Variants in FAM135B observed in about 807,000 individuals in gnomAD.
FAM135B encodes the protein protein FAM135B.
In FAM135B, 43 loss-of-function variants were observed where a neutral mutation model predicts 127.7. The ratio of observed to expected loss-of-function variants is 0.34; its 90% CI spans 0.26 to 0.43. FAM135B has a LOEUF of 0.43. FAM135B is among the 20% of genes least tolerant of loss of function. The probability of loss-of-function intolerance (pLI) is 1.00; values close to 1 mark genes in which losing one functional copy is unlikely to be tolerated. For missense variants in FAM135B, 1,558 were observed against 1,725.6 expected (o/e 0.90, Z 1.72); for synonymous variants, 670 against 665.1 (o/e 1.01, Z -0.11).
At chr8:138,491,901 C>G (rs979037443) in intron 1 of FAM135B, among the ~76,000 whole-genome samples, 5 of 152,058 alleles carry the variant, frequency 3.3e-5, no homozygotes, top group African/African-American at 1.2e-4. Context: ...GAAGATCAGC[C>G]AGGAGGCCAG....
chr8:138,257,989 G>T (rs150161975), intron 4 of FAM135B, among the ~76,000 whole-genome samples: 1 of 152,126 alleles, frequency 6.6e-6, no homozygotes, highest in Non-Finnish European at 1.5e-5. Flanking sequence ...TCAGGTAATT[G>T]CTGTCCCGTC....
chr8:138,177,319 A>G (rs199835259), intron 11 of FAM135B, 28 bp downstream of exon 11: 2 of 1,606,064 alleles, frequency 1.2e-6, no homozygotes, highest in African/African-American at 1.3e-5. Context: ...GCTTTTAGGG[A>G]TGAAGTGGGC....
intron 1 of FAM135B, among the ~76,000 whole-genome samples, chr8:138,444,115 T>A (rs573511204): frequency 1.2e-4 from 19 of 152,268 alleles, no homozygotes; most frequent in Admixed American, 1.2e-3. Context: ...CTTAAATACA[T>A]ATGCACCCAA....
intron 1 of FAM135B, among the ~76,000 whole-genome samples, chr8:138,370,749 C>T (rs1232549021): frequency 6.6e-6 from 1 of 152,134 alleles, no homozygotes. Flanking sequence ...CATGCTCTGC[C>T]CCATGTAAAA....
At chr8:138,425,870 C>T (rs1834811255) in intron 1 of FAM135B, among the ~76,000 whole-genome samples, 1 of 150,866 alleles carries the variant, frequency 6.6e-6, no homozygotes, top group Non-Finnish European at 1.5e-5. Flanking sequence ...ACTATGGGGT[C>T]TGTCGTGGAG....
At chr8:138,342,451 A>G (rs1261788209) in intron 2 of FAM135B, among the ~76,000 whole-genome samples, 1 of 152,246 alleles carries the variant, frequency 6.6e-6, no homozygotes, top group Non-Finnish European at 1.5e-5. Flanking sequence ...CTTTCAGACC[A>G]GAGAAAAGGG....
At chr8:138,481,526 C>T (rs1463995089) in intron 1 of FAM135B, among the ~76,000 whole-genome samples, 5 of 152,186 alleles carry the variant, frequency 3.3e-5, no homozygotes, top group South Asian at 2.1e-4. Flanking sequence ...GTGAAAGCAC[C>T]GATGGCTGCA....
intron 2 of FAM135B, among the ~76,000 whole-genome samples, chr8:138,348,833 C>A (rs555992891): frequency 6.6e-5 from 10 of 152,232 alleles, no homozygotes; most frequent in Non-Finnish European, 1.2e-4. Flanking sequence ...TTAATTACTT[C>A]TTTTAGGACA....
In FAM135B at chr8:138,141,963, C is replaced by T. The variant is rs893345477; in HGVS notation, c.3639-614G>A. On this transcript the variant is annotated intron_variant, in intron 16 of 19. Transcript: ENST00000395297. This position sits in a 1 kb window ranked among gnomAD's most constrained non-coding sequence, Gnocchi z 4.7. ...GAGAGGCTATACCTCCCCACCTCTA[C>T]TCATGATGAGCATAAAACCATCCAA... is the stretch of plus-strand genomic sequence containing the variant. Among the ~76,000 whole-genome samples the T allele has an allele frequency of 6.6e-6, 1 of 152,298 alleles. No individual in the cohort carries two copies. The highest frequency in any genetic ancestry group is 2.4e-5 in the African/African-American group (1 of 41,570).
intron 1 of FAM135B, among the ~76,000 whole-genome samples, chr8:138,468,340 G>A (rs980941911): frequency 3.3e-5 from 5 of 152,082 alleles, no homozygotes; most frequent in Non-Finnish European, 5.9e-5. Context: ...ATTTTATTGC[G>A]TTTTCTGAGT....
chr8:138,232,885 A>G (rs1234321542), intron 7 of FAM135B, among the ~76,000 whole-genome samples: 1 of 152,226 alleles, frequency 6.6e-6, no homozygotes, highest in Non-Finnish European at 1.5e-5. Flanking sequence ...TACAGCAGAT[A>G]TCTAGAATTT....
At chr8:138,497,576 A>G (rs1311996640), upstream of FAM135B, among the ~76,000 whole-genome samples, 1 of 152,184 alleles carries the variant, frequency 6.6e-6, no homozygotes, top group Non-Finnish European at 1.5e-5. Flanking sequence ...AGAGAAGCCC[A>G]GGCAACAAGT....
intron 3 of FAM135B, among the ~76,000 whole-genome samples, chr8:138,307,726 T>C (rs1301801827): frequency 1.4e-5 from 1 of 73,518 alleles, no homozygotes; most frequent in African/African-American, 5.4e-5. Context: ...ACTATCCCCA[T>C]TGTGGTAAAA....
At chr8:138,355,219 G>GTGTATA (rs1315233306) in intron 2 of FAM135B, among the ~76,000 whole-genome samples, 1 of 152,128 alleles carries the variant, frequency 6.6e-6, no homozygotes, top group Admixed American at 6.5e-5. Flanking sequence ...CCATTACTGG[G>GTGTATA]TATACACCCA....
intron 12 of FAM135B, among the ~76,000 whole-genome samples, chr8:138,163,239 T>C (rs548304245): frequency 6.6e-6 from 1 of 152,176 alleles, no homozygotes; most frequent in African/African-American, 2.4e-5. Flanking sequence ...TAATAATTGT[T>C]AGGGGGAAAG....
chr8:138,214,643 T>C (rs1262614563), intron 7 of FAM135B, among the ~76,000 whole-genome samples: 1 of 152,132 alleles, frequency 6.6e-6, no homozygotes, highest in African/African-American at 2.4e-5. Context: ...AAATACATAG[T>C]TAGCCAGATG....
At chr8:138,260,626 C>T (rs1235395105) in intron 4 of FAM135B, among the ~76,000 whole-genome samples, 1 of 152,134 alleles carries the variant, frequency 6.6e-6, no homozygotes, top group Non-Finnish European at 1.5e-5. Context: ...ATGATGCCTG[C>T]CAATGCTCAA....
At chr8:138,159,246 T>C (rs1819102853) in intron 12 of FAM135B, among the ~76,000 whole-genome samples, 1 of 113,628 alleles carries the variant, frequency 8.8e-6, no homozygotes, top group Non-Finnish European at 1.7e-5. Flanking sequence ...CAGTCTGCAG[T>C]CCGGCCTGGG....
Position 138,132,534 on chromosome 8 carries a change from C to A in FAM135B, c.*59G>T. 1 of 1,427,730 alleles carries A rather than the reference C, an allele frequency of 7.0e-7. No individual in the cohort carries two copies. The highest frequency in any genetic ancestry group is 1.4e-5 in the African/African-American group (1 of 71,030). The allele number at this position is 1,427,730 out of a possible 1,614,324, so 88.4% of individuals were successfully genotyped here. The stretch of plus-strand genomic sequence containing the variant: ...AATGGTGAGGTCTGTAAAAGCAGGT[C>A]TCAGCTAAAGCTCTCCACCGATCGT... On this transcript the variant is annotated 3_prime_UTR_variant, in exon 20 of 20. Transcript: ENST00000395297. The surrounding 1 kb of genome is among the most constrained non-coding windows in gnomAD (Gnocchi z 4.5).
Sources: allele counts gnomAD v4.1 joint callset (sites outside exome capture counted in the v4.1 genomes callset), GRCh38; gene constraint gnomAD v4.1.1; non-coding constraint Gnocchi (gnomAD v3.1); transcripts MANE v1.5; gene names NCBI Gene and HGNC (gene_info 2026-07-23, HGNC 2026-07-21).